The following PRC1 variants were observed in gnomAD, a reference collection of about 807,000 sequenced individuals.
PRC1 encodes anaphase spindle elongation 1 homolog.
In PRC1, 54 loss-of-function variants were observed where a neutral mutation model predicts 91.2. That is an observed-to-expected ratio of 0.59 (90% CI 0.48 to 0.74). The LOEUF is 0.74. Ranked by LOEUF, PRC1 falls within the 30% of genes least tolerant of loss-of-function variation. The pLI is 0.00. For synonymous variants in PRC1, 275 were observed against 263.6 expected, an observed-to-expected ratio of 1.04 and a Z score of -0.42; for missense variants, 727 against 746.2, an observed-to-expected ratio of 0.97 and a Z score of 0.30.
In PRC1 at chr15:90,981,880, T is replaced by G; in HGVS notation, c.369A>C (p.Leu123=). The G allele has an allele frequency of 5.0e-6, 8 of 1,614,232 alleles. No individual in the cohort carries two copies. The highest frequency in any genetic ancestry group is 6.8e-6 in the Non-Finnish European group (8 of 1,180,032). The change falls in exon 4 of 15, where the codon CTA becomes CTC. Residue 123 remains leucine (L), a synonymous_variant. Transcript: ENST00000394249. ...ACAGTTCTTGATCTTGCTCTTGAAGTAGCTTCAGTTCCTGTTTTCTCTCCT... is the reference window on the plus strand; with the variant it reads ...ACAGTTCTTGATCTTGCTCTTGAAGGAGCTTCAGTTCCTGTTTTCTCTCCT... ...QKKERKQELK[L]LQEQDQELCE...
Position 90,994,515 on chromosome 15 carries a change from G to A in PRC1, c.-98C>T, listed in dbSNP as rs1045192407. 4 of 1,427,912 alleles carry A rather than the reference G, an allele frequency of 2.8e-6. No homozygotes were observed. The highest frequency in any genetic ancestry group is 2.3e-5 in the Admixed American group (1 of 43,688). 88.5% of individuals were successfully genotyped at this position (1,427,912 alleles called of 1,614,324 possible). On this transcript the variant is annotated 5_prime_UTR_variant, in exon 1 of 15. In the 5' UTR this introduces an upstream ATG that the reference lacks. Transcript: ENST00000394249. ...GCAAACACCGGCGATGTCACTCCGC[G>A]TAGCCGCTCCGCGAGCCGTTGAGCC...
At position 90,993,199 on chromosome 15, in the gene PRC1, A is replaced by G. The variant is rs144985969; in HGVS notation, c.11+1208T>C. ...GAGGAGATGCCTACATAATTCATAA[A>G]CTGTTAATGGACTTTTTTTTTTTTT... On this transcript the variant is annotated intron_variant, in intron 1 of 14. Transcript: ENST00000394249. Among the ~76,000 whole-genome samples the G allele has an allele frequency of 8.7e-3, 1,278 of 147,308 alleles. 25 individuals are homozygous for G. Among genetic ancestry groups the G allele is most frequent in the African/African-American group, 0.031 (1,221 of 39,586 alleles).
intron 14 of PRC1, chr15:90,967,728 T>G: frequency 1.5e-6 from 1 of 658,392 alleles, no homozygotes; most frequent in African/African-American, 2.0e-5. Context: ...CCATATAGTT[T>G]AGGTGTGTAG....
In PRC1 at chr15:90,971,689, C is replaced by T. The variant is rs751128708; in HGVS notation, c.1462-1175G>A. ...CAGCCTGACCAACATGGAGAAACCC[C>T]GTCTCTACTAAAAATACAAAATTAG... On this transcript the variant is annotated intron_variant, in intron 11 of 14. Transcript: ENST00000394249. 9.9e-5 allele frequency among the ~76,000 whole-genome samples: 15 copies of T among 151,818 alleles called. 1 individual carries two copies. The South Asian group carries it at 2.1e-3, about 21-fold the overall frequency.
At chr15:90,968,926 C>T (rs1291791213) in intron 14 of PRC1, 153 bp downstream of exon 14, 10 of 1,470,392 alleles carry the variant, frequency 6.8e-6, no homozygotes, top group Non-Finnish European at 9.0e-6. Flanking sequence ...GAATGTAAAT[C>T]AGATGTGTTT....
chr15:90,971,586 C>CTT (rs34967462), intron 11 of PRC1, among the ~76,000 whole-genome samples: 1,543 of 144,140 alleles, frequency 0.011, 22 homozygotes, highest in South Asian at 0.064. Context: ...CCAGCCAACA[C>CTT]TTTTTTTTTT....
In PRC1 at chr15:90,967,148, T is replaced by C; in HGVS notation, c.1846A>G (p.Thr616Ala). The C allele has an allele frequency of 6.2e-7, 1 of 1,614,086 alleles. No homozygotes were observed. The highest frequency in any genetic ancestry group is 8.5e-7 in the Non-Finnish European group (1 of 1,179,906). The change falls in exon 15 of 15, where the codon ACC becomes GCC. Residue 616 changes from threonine (T) to alanine (A), a missense_variant. Coordinates refer to ENST00000394249, the MANE Select transcript of PRC1 (RefSeq NM_003981.4). ...AGGGCTTCTCAGGACTGGATGTTGG[T>C]TGAATTGAGGATTCCAGAAGTAGCA... is the stretch of plus-strand genomic sequence containing the variant. The part of the protein sequence containing the change: ...SDATSGILNS[T>A]NIQS
rs145664899 is a variant in PRC1 at position 90,969,496 on chromosome 15, T to A, written c.1700A>T (p.Gln567Leu). 3 of 1,611,910 alleles carry A rather than the reference T, an allele frequency of 1.9e-6. No homozygotes were observed. Among genetic ancestry groups the A allele is most frequent in the African/African-American group, 2.7e-5 (2 of 74,764 alleles). The change falls in exon 13 of 15, where the codon CAG (glutamine) becomes CTG (leucine). Residue 567 changes from glutamine to leucine, a missense_variant. Gln to Leu is a moderately radical substitution (Grantham distance 113). Coordinates refer to ENST00000394249, the MANE Select transcript of PRC1 (RefSeq NM_003981.4). ...SGGYPGSAPL[Q>L]RNFSINSVAS... ...AACAGAATTAATGCTGAAGTTGCGCTGGAGGGGGGCCGAGCCAGGGTACCC... is the reference window on the plus strand; with the variant it reads ...AACAGAATTAATGCTGAAGTTGCGCAGGAGGGGGGCCGAGCCAGGGTACCC...
intron 1 of PRC1, among the ~76,000 whole-genome samples, chr15:90,993,921 TA>T (rs11311113): frequency 0.54 from 82,313 of 151,202 alleles, 27,215 homozygotes; most frequent in East Asian, 0.99. Flanking sequence ...TCCACAAAAA[TA>T]AAAAAAAAGA....
chr15:90,981,237 G>T, intron 5 of PRC1: 1 of 748,124 alleles, frequency 1.3e-6, no homozygotes, highest in Non-Finnish European at 2.1e-6. Context: ...ATTTAGAACT[G>T]AAAAAAATTT....
rs1204395476 is a variant in PRC1 at position 90,966,359 on chromosome 15, C to T, written c.*772G>A. 3.1e-6 allele frequency: 1 copy of T among 319,230 alleles called. No homozygotes were observed. Among genetic ancestry groups the T allele is most frequent in the Non-Finnish European group, 6.3e-6 (1 of 159,012 alleles). 19.8% of individuals were successfully genotyped at this position (319,230 alleles called of 1,614,324 possible). A position where few individuals can be genotyped will look rare whatever the true frequency, so the allele number is the denominator to read the frequency against. On this transcript the variant is annotated 3_prime_UTR_variant, in exon 15 of 15. Transcript: ENST00000394249. ...ATCTCCACGACAAAGACAGCTCAACCCATTGGAACAAACAGACTCCCAATG... is the reference window on the plus strand; with the variant it reads ...ATCTCCACGACAAAGACAGCTCAACTCATTGGAACAAACAGACTCCCAATG...
rs987185427 is a variant in PRC1 at position 90,981,551 on chromosome 15, G to A, written c.620C>T (p.Ala207Val). 1.2e-6 allele frequency: 2 copies of A among 1,613,834 alleles called. No individual in the cohort carries two copies. Among genetic ancestry groups the A allele is most frequent in the Non-Finnish European group, 1.7e-6 (2 of 1,180,030 alleles). ...AATATTCTCCAAAGACAAACAAAAG[G>A]CATCTTCGTCTTCACACACCACATC... ...ERDVVCEDED[A>V]FCLSLENIAT... Residue 207 changes from alanine to valine, a missense_variant, in exon 5 of 15, where the codon GCC becomes GTC. By Grantham distance (64) the Ala-to-Val change is moderately conservative. Transcript: ENST00000394249.
intron 1 of PRC1, chr15:90,987,980 C>G (rs1172289640): frequency 6.6e-6 from 1 of 152,148 alleles, no homozygotes; most frequent in Admixed American, 6.5e-5. Context: ...GATGGCCATA[C>G]CAATACCCAA....
intron 3 of PRC1, among the ~76,000 whole-genome samples, chr15:90,982,407 T>A (rs748991584): frequency 1.8e-4 from 27 of 152,334 alleles, no homozygotes; most frequent in Non-Finnish European, 3.2e-4. Context: ...ATTCTACCTT[T>A]TGTCTCTATG....
intron 1 of PRC1, among the ~76,000 whole-genome samples, chr15:90,989,825 C>T (rs1462831341): frequency 1.3e-5 from 2 of 152,044 alleles, no homozygotes; most frequent in East Asian, 1.9e-4. Flanking sequence ...GCTACGGTTC[C>T]GTTTTTATGA....
In PRC1 at chr15:90,966,550, A is replaced by G. The variant is rs576111775; in HGVS notation, c.*581T>C. 58 of 456,124 alleles carry G rather than the reference A, an allele frequency of 1.3e-4. 1 individual carries two copies. Among genetic ancestry groups the G allele is most frequent in the South Asian group, 9.0e-4 (58 of 64,552 alleles). 28.3% of individuals were successfully genotyped at this position (456,124 alleles called of 1,614,324 possible). A position where few individuals can be genotyped will look rare whatever the true frequency, so the allele number is the denominator to read the frequency against. ...GCACTGTGTAACAGAACTGAACACA[A>G]TTTAACAAAGCTGCTCCCAGCCTTC... On this transcript the variant is annotated 3_prime_UTR_variant, in exon 15 of 15. Transcript: ENST00000394249.
Position 90,983,736 on chromosome 15 carries a change from G to A in PRC1, c.267+282C>T, listed in dbSNP as rs146182865. The stretch of plus-strand genomic sequence containing the variant: ...CATCTATGCCTACCTTTTTCTCAGC[G>A]TTTATAAAAAAAAATTCATATTCCC... On this transcript the variant is annotated intron_variant, in intron 3 of 14. Coordinates refer to ENST00000394249, the MANE Select transcript of PRC1 (RefSeq NM_003981.4). 214 of 229,918 alleles carry A rather than the reference G, an allele frequency of 9.3e-4. 2 individuals are homozygous for A. The highest frequency in any genetic ancestry group is 4.1e-3 in the African/African-American group (183 of 44,256). The allele number at this position is 229,918 out of a possible 1,614,324, so 14.2% of individuals were successfully genotyped here.
At position 90,981,794 on chromosome 15, in the gene PRC1, T is replaced by C; in HGVS notation, c.455A>G (p.Glu152Gly). The change falls in exon 4 of 15, where the codon GAG becomes GGG. Residue 152 changes from glutamate to glycine, a missense_variant. Transcript: ENST00000394249. ...IDSASVPSLEELNQFRQHVTT... is the reference protein window; with the variant it reads ...IDSASVPSLEGLNQFRQHVTT... ...CACATGTTGCCTGAACTGGTTCAGC[T>C]CTTCTAAGCTGGGCACTGAGGCACT... The C allele has an allele frequency of 1.2e-6, 2 of 1,614,040 alleles. No individual in the cohort carries two copies. The highest frequency in any genetic ancestry group is 1.7e-6 in the Non-Finnish European group (2 of 1,179,920).
At chr15:90,970,619 G>A in intron 11 of PRC1, 105 bp from the exon 12 acceptor site, 1 of 791,542 alleles carries the variant, frequency 1.3e-6, no homozygotes, top group Non-Finnish European at 2.1e-6. Context: ...GGCAGTCTAG[G>A]GAAGACGGGT....
Sources: allele counts gnomAD v4.1 joint callset (sites outside exome capture counted in the v4.1 genomes callset), GRCh38; gene constraint gnomAD v4.1.1; transcripts MANE v1.5; gene names NCBI Gene and HGNC (gene_info 2026-07-23, HGNC 2026-07-21).